The following MAN2A1 variants were observed in gnomAD, a reference collection of about 807,000 sequenced individuals.
MAN2A1 encodes the protein mannosidase alpha class 2A member 1.
In MAN2A1, 76 loss-of-function variants were observed where a neutral mutation model predicts 142.6. The ratio of observed to expected loss-of-function variants is 0.53; its 90% CI spans 0.44 to 0.65. The LOEUF (loss-of-function observed/expected upper bound fraction) is 0.65. Ranked by LOEUF, MAN2A1 falls within the 30% of genes least tolerant of loss-of-function variation. MAN2A1 has a pLI of 0.00. For synonymous variants in MAN2A1, 559 were observed against 473.2 expected (o/e 1.18, Z -2.35); for missense variants, 1,311 against 1,365.1 (o/e 0.96, Z 0.62).
At chr5:109,724,564 A>G (rs535742737) in intron 3 of MAN2A1, among the ~76,000 whole-genome samples, 2 of 152,294 alleles carry the variant, frequency 1.3e-5, no homozygotes, top group South Asian at 2.1e-4. Flanking sequence ...TTTATTACCA[A>G]TGTATTATTT....
At chr5:109,857,601 G>A (rs1225863642) in intron 20 of MAN2A1, among the ~76,000 whole-genome samples, 2 of 152,218 alleles carry the variant, frequency 1.3e-5, no homozygotes, top group Non-Finnish European at 2.9e-5. Flanking sequence ...ACTAGAGTCA[G>A]TGAGCATAGG....
rs771118856 is a variant in MAN2A1, at chr5:109,767,677, A to G, written c.978A>G (p.Lys326=). The G allele has an allele frequency of 1.1e-5, 17 of 1,613,072 alleles. No individual in the cohort carries two copies. The highest frequency in any genetic ancestry group is 1.4e-5 in the Non-Finnish European group (17 of 1,179,608). ...TTAAAAAACACTTTGCACTGCATAAAACATTGGAGTTTTTTTGGAGACAGA... is the reference window on the plus strand; with the variant it reads ...TTAAAAAACACTTTGCACTGCATAAGACATTGGAGTTTTTTTGGAGACAGA... ...YAVKKHFALH[K]TLEFFWRQNW... The change falls in exon 6 of 22, where the codon AAA becomes AAG. Residue 326 remains lysine, a synonymous_variant. Transcript: ENST00000261483.
At chr5:109,836,116 T>C (rs868682046) in intron 16 of MAN2A1, among the ~76,000 whole-genome samples, 59 of 150,790 alleles carry the variant, frequency 3.9e-4, no homozygotes, top group African/African-American at 1.3e-3. Context: ...ATTATTGTTA[T>C]TATTATTTTT....
At chr5:109,816,805 A>G (rs1754473317) in intron 12 of MAN2A1, among the ~76,000 whole-genome samples, 1 of 152,178 alleles carries the variant, frequency 6.6e-6, no homozygotes. Context: ...TTACACATCT[A>G]TGAATATCTT....
At chr5:109,755,260 C>T in intron 4 of MAN2A1, 69 bp from the exon 5 acceptor site, 1 of 1,213,696 alleles carries the variant, frequency 8.2e-7, no homozygotes, top group Non-Finnish European at 1.2e-6. Flanking sequence ...AATGTTTATG[C>T]TTGTTTAGTT....
intron 16 of MAN2A1, among the ~76,000 whole-genome samples, chr5:109,841,262 G>A (rs1412057563): frequency 6.6e-6 from 1 of 152,114 alleles, no homozygotes; most frequent in African/African-American, 2.4e-5. Context: ...AGTATACACT[G>A]CACTCTATTT....
intron 4 of MAN2A1, among the ~76,000 whole-genome samples, chr5:109,739,480 T>C (rs939273289): frequency 6.6e-6 from 1 of 152,186 alleles, no homozygotes; most frequent in African/African-American, 2.4e-5. Flanking sequence ...TTTTGGGAGA[T>C]TTTTCCCAAG....
chr5:109,724,707 A>T (rs1413144271), intron 3 of MAN2A1, among the ~76,000 whole-genome samples: 14 of 152,204 alleles, frequency 9.2e-5, no homozygotes, highest in Admixed American at 9.2e-4. Context: ...AGAAAAAATC[A>T]TTATTATAGC....
rs148553282 is a variant in MAN2A1, at chr5:109,691,759, A to G, written c.135+1207A>G. Among the ~76,000 whole-genome samples the G allele has an allele frequency of 6.6e-4, 100 of 152,292 alleles. 1 individual carries two copies. In the East Asian group the frequency reaches 0.016, roughly 24 times the overall value. On this transcript the variant is annotated intron_variant, in intron 1 of 21. Coordinates refer to ENST00000261483, the MANE Select transcript of MAN2A1 (RefSeq NM_002372.4). ...GTTTTAAAAATCTTGCTGCAGAGAG[A>G]TGTATCAAAATTTTAAAAGCCTCTG...
At chr5:109,700,694 G>A (rs1018291588) in intron 1 of MAN2A1, among the ~76,000 whole-genome samples, 1 of 152,136 alleles carries the variant, frequency 6.6e-6, no homozygotes, top group Non-Finnish European at 1.5e-5. Flanking sequence ...GGTCCTTCCA[G>A]GTCAGGTAAT....
At chr5:109,766,476 C>G (rs1752993351) in intron 5 of MAN2A1, among the ~76,000 whole-genome samples, 1 of 152,100 alleles carries the variant, frequency 6.6e-6, no homozygotes, top group Admixed American at 6.6e-5. Flanking sequence ...TAGATCCTGA[C>G]TTTTCCTTAT....
chr5:109,851,403 T>C (rs896522088), intron 19 of MAN2A1, among the ~76,000 whole-genome samples: 2 of 152,202 alleles, frequency 1.3e-5, no homozygotes, highest in Non-Finnish European at 2.9e-5. Flanking sequence ...AGTGGGACCT[T>C]TGGGAGGCTT....
At chr5:109,770,668 AC>A (rs1753122198) in intron 7 of MAN2A1, 127 bp downstream of exon 7, 1 of 838,084 alleles carries the variant, frequency 1.2e-6, no homozygotes, top group Non-Finnish European at 1.8e-6. Context: ...ATTCATTCAA[AC>A]CAGATCTAAA....
chr5:109,733,762 G>A lies in MAN2A1; in HGVS notation c.707+4249G>A, dbSNP rs529021177. ...TTTGATGTGCTGCTTGATTCGGTTT[G>A]CCAGTATTTTATTGAGGATTTTTGC... On this transcript the variant is annotated intron_variant, in intron 4 of 21. Coordinates refer to ENST00000261483, the MANE Select transcript of MAN2A1 (RefSeq NM_002372.4). Among the ~76,000 whole-genome samples the A allele has an allele frequency of 6.6e-4, 100 of 152,270 alleles. 1 individual carries two copies. Among genetic ancestry groups the A allele is most frequent in the African/African-American group, 2.2e-3 (92 of 41,554 alleles).
chr5:109,690,290 C>G lies in MAN2A1; in HGVS notation c.-128C>G. 3 of 949,436 alleles carry G rather than the reference C, an allele frequency of 3.2e-6. No homozygotes were observed. The highest frequency in any genetic ancestry group is 1.4e-5 in the South Asian group (1 of 69,056). The allele number at this position is 949,436 out of a possible 1,614,324, so 58.8% of individuals were successfully genotyped here. ...GCGGAGCAAGGCGGGGACTCGCACC[C>G]GCATCCGAGAGCGCGGAGGTCGCGC... On this transcript the variant is annotated 5_prime_UTR_variant, in exon 1 of 22. Transcript: ENST00000261483.
At chr5:109,698,320 T>A (rs963334353) in intron 1 of MAN2A1, among the ~76,000 whole-genome samples, 6 of 152,226 alleles carry the variant, frequency 3.9e-5, no homozygotes, top group African/African-American at 1.4e-4. Context: ...CTCTTCTGCT[T>A]ATCAAAGAGC....
chr5:109,843,846 A>G (rs557443164), intron 17 of MAN2A1, among the ~76,000 whole-genome samples: 1 of 152,274 alleles, frequency 6.6e-6, no homozygotes, highest in African/African-American at 2.4e-5. Flanking sequence ...TAAAACCATG[A>G]GCATGTTTTT....
chr5:109,846,288 A>G (rs1292762638), intron 18 of MAN2A1, among the ~76,000 whole-genome samples: 2 of 152,242 alleles, frequency 1.3e-5, no homozygotes, highest in Admixed American at 6.5e-5. Context: ...TGTATTTTGC[A>G]GAGGTCTCCA....
intron 1 of MAN2A1, among the ~76,000 whole-genome samples, chr5:109,690,910 G>C (rs939497251): frequency 1.3e-5 from 2 of 152,164 alleles, no homozygotes; most frequent in Admixed American, 1.3e-4. Flanking sequence ...CGCGTATCCC[G>C]GTGGGGTCGT....
Sources: gnomAD v4.1 joint callset for allele counts (sites outside exome capture counted in the v4.1 genomes callset) on GRCh38, gnomAD v4.1.1 for gene constraint, MANE v1.5 for transcripts, NCBI Gene and HGNC (gene_info 2026-07-23, HGNC 2026-07-21) for gene names.